Variants in CDH26 observed in about 807,000 individuals in gnomAD.
CDH26 encodes the protein cadherin-like protein 26.
CDH26 carries 83 observed loss-of-function variants against 90.3 expected under a neutral mutation model. The observed-to-expected ratio is 0.92, with a 90% CI of 0.77 to 1.10. CDH26 has a LOEUF of 1.10. Among genes scored for constraint, CDH26 ranks in the 50% least tolerant of loss-of-function variants. The pLI, the probability that CDH26 is intolerant of heterozygous loss-of-function variation, is 0.00. For synonymous variants in CDH26, 397 were observed against 396.3 expected (o/e 1.00, Z -0.02); for missense variants, 1,013 against 1,037.6 (o/e 0.98, Z 0.33).
Position 59,985,072 on chromosome 20 carries a change from C to A in CDH26, c.780C>A (p.Thr260=), listed in dbSNP as rs748975319. The part of the protein sequence containing the change: ...CGEPSLSSTT[T]VHVDVQEGNN... ...AACCGTCACTGTCATCCACGACCAC[C>A]GTTCACGTGGATGTGCAAGAAGGCA... is the stretch of plus-strand genomic sequence containing the variant. Residue 260 remains threonine (T), a synonymous_variant, in exon 7 of 18, where the codon ACC becomes ACA. Coordinates refer to ENST00000348616, the MANE Select transcript of CDH26 (RefSeq NM_177980.4). 2 of 1,614,000 alleles carry A rather than the reference C, an allele frequency of 1.2e-6. No homozygotes were observed. The highest frequency in any genetic ancestry group is 1.7e-6 in the Non-Finnish European group (2 of 1,179,942).
rs375392164 is a variant in CDH26, at chr20:60,002,900, T to A, written c.2220+34T>A. ...AGATGTAGGTGTTACCGTGAACAAA[T>A]TTACCTTATTGTTCTGCCTAAAAGC... On this transcript the variant is annotated intron_variant, in intron 16 of 17. Coordinates refer to ENST00000348616, the MANE Select transcript of CDH26 (RefSeq NM_177980.4). 3.6e-5 allele frequency: 52 copies of A among 1,454,882 alleles called. No individual in the cohort carries two copies. The African/African-American group carries it at 6.6e-4, about 18-fold the overall frequency. 90.1% of individuals were successfully genotyped at this position (1,454,882 alleles called of 1,614,324 possible). A position where few individuals can be genotyped will look rare whatever the true frequency, so the allele number is the denominator to read the frequency against.
downstream of CDH26, among the ~76,000 whole-genome samples, chr20:60,035,624 T>C (rs766915811): frequency 2.6e-5 from 4 of 152,114 alleles, no homozygotes; most frequent in Non-Finnish European, 5.9e-5. Context: ...ATGCTTTGTA[T>C]GTGGTATGGT....
At chr20:59,993,882 A>G (rs1247156033) in intron 10 of CDH26, among the ~76,000 whole-genome samples, 1 of 152,196 alleles carries the variant, frequency 6.6e-6, no homozygotes, top group African/African-American at 2.4e-5. Flanking sequence ...GCGGAGACGC[A>G]GCGCATTTGC....
At chr20:59,996,885 C>A in intron 13 of CDH26, 124 bp downstream of exon 13, 1 of 1,278,754 alleles carries the variant, frequency 7.8e-7, no homozygotes, top group Non-Finnish European at 1.1e-6. Context: ...GTTTCAGTAG[C>A]AAGTGGGAAA....
intron 2 of CDH26, 118 bp from the exon 3 acceptor site, chr20:59,969,964 T>A: frequency 7.0e-7 from 1 of 1,432,176 alleles, no homozygotes; most frequent in Non-Finnish European, 9.2e-7. Context: ...GTTCTGGCGA[T>A]GAGAGAATGC....
rs1162039272 is a variant in CDH26, at chr20:59,967,957, A to ATCTTTCTTTCTTTCTT, written c.70-969_70-954dup. 1.2e-4 allele frequency among the ~76,000 whole-genome samples: 7 copies of ATCTTTCTTTCTTTCTT among 59,532 alleles called. 1 individual carries two copies. The highest frequency in any genetic ancestry group is 1.7e-4 in the African/African-American group (2 of 12,054). The allele number at this position is 59,532 out of a possible 152,430, so 39.1% of individuals were successfully genotyped here. A position where few individuals can be genotyped will look rare whatever the true frequency, so the allele number is the denominator to read the frequency against. The stretch of plus-strand genomic sequence containing the variant: ...TCCCTTTCTTTCTTTCTTTCTTTCT[A>ATCTTTCTTTCTTTCTT]TCTTTCTTTCTTTCTTTCTTTCTTT... On this transcript the variant is annotated intron_variant, in intron 1 of 17. Coordinates refer to ENST00000348616, the MANE Select transcript of CDH26 (RefSeq NM_177980.4).
chr20:59,976,325 G>A (rs1029728212), intron 4 of CDH26, among the ~76,000 whole-genome samples: 1 of 152,180 alleles, frequency 6.6e-6, no homozygotes, highest in African/African-American at 2.4e-5. Context: ...AAATGTCCAT[G>A]ACATTTCTTT....
chr20:60,032,324 A>G (rs1204310393), intron 8 of CDH26, among the ~76,000 whole-genome samples: 1 of 152,216 alleles, frequency 6.6e-6, no homozygotes, highest in Non-Finnish European at 1.5e-5. Context: ...ATTAAATTCT[A>G]TTGGCCAGAA....
In CDH26 at chr20:59,958,640, G is replaced by A. The variant is rs2061027654; in HGVS notation, c.-87G>A. 5 of 1,263,158 alleles carry A rather than the reference G, an allele frequency of 4.0e-6. No individual in the cohort carries two copies. The highest frequency in any genetic ancestry group is 2.3e-5 in the East Asian group (1 of 42,628). 78.2% of individuals were successfully genotyped at this position (1,263,158 alleles called of 1,614,324 possible). A position where few individuals can be genotyped will look rare whatever the true frequency, so the allele number is the denominator to read the frequency against. On this transcript the variant is annotated 5_prime_UTR_variant, in exon 1 of 18. Coordinates refer to ENST00000348616, the MANE Select transcript of CDH26 (RefSeq NM_177980.4). ...CTTTAGAGAAGAAGCTGCTGGCTGA[G>A]AAGGAGGTGTGTGGCTCCGGTGAGA... is the stretch of plus-strand genomic sequence containing the variant.
rs1292004948 is a variant in CDH26 at position 60,013,381 on chromosome 20, T to A, written c.*651T>A. On this transcript the variant is annotated 3_prime_UTR_variant, in exon 18 of 18. Transcript: ENST00000348616. ...TGTATGTATTATGTAAGTAAAAGAG[T>A]TAGGAGCCTTTGAATGAGTAAGTTC... is the stretch of plus-strand genomic sequence containing the variant. 6.6e-6 allele frequency: 1 copy of A among 152,058 alleles called. No homozygotes were observed. The highest frequency in any genetic ancestry group is 1.5e-5 in the Non-Finnish European group (1 of 68,008). 9.4% of individuals were successfully genotyped at this position (152,058 alleles called of 1,614,324 possible). A position where few individuals can be genotyped will look rare whatever the true frequency, so the allele number is the denominator to read the frequency against.
chr20:59,962,425 G>A (rs1569020346), intron 1 of CDH26, among the ~76,000 whole-genome samples: 1 of 152,146 alleles, frequency 6.6e-6, no homozygotes, highest in Non-Finnish European at 1.5e-5. Context: ...TGGGTTGCTG[G>A]CAATCCCAGC....
chr20:59,990,702 T>C (rs915615342), intron 9 of CDH26, among the ~76,000 whole-genome samples: 1 of 152,170 alleles, frequency 6.6e-6, no homozygotes, highest in African/African-American at 2.4e-5. Context: ...GTTATCTCAT[T>C]GTGAGCAGCC....
At chr20:59,994,608 A>G in intron 11 of CDH26, 119 bp downstream of exon 11, 1 of 1,293,542 alleles carries the variant, frequency 7.7e-7, no homozygotes, top group Non-Finnish European at 1.1e-6. Flanking sequence ...GCGTTCTGGC[A>G]GAGCTGGCTC....
chr20:59,960,339 A>C (rs1323984645), intron 1 of CDH26, among the ~76,000 whole-genome samples: 1 of 152,090 alleles, frequency 6.6e-6, no homozygotes, highest in Non-Finnish European at 1.5e-5. Context: ...GAAATGCGTA[A>C]AAGCCCTTGG....
chr20:60,009,491 A>G (rs1187239630), intron 17 of CDH26, among the ~76,000 whole-genome samples: 1 of 152,200 alleles, frequency 6.6e-6, no homozygotes, highest in South Asian at 2.1e-4. Flanking sequence ...GACTGTGTGG[A>G]CAGTATCGCA....
intron 17 of CDH26, among the ~76,000 whole-genome samples, chr20:60,011,098 A>G (rs750615376): frequency 6.6e-6 from 1 of 152,144 alleles, no homozygotes; most frequent in Non-Finnish European, 1.5e-5. Flanking sequence ...CAATGAGTGG[A>G]GATAGGGACC....
At chr20:59,962,284 C>T (rs746805384) in intron 1 of CDH26, among the ~76,000 whole-genome samples, 14 of 152,170 alleles carry the variant, frequency 9.2e-5, no homozygotes, top group Admixed American at 2.0e-4. Flanking sequence ...CAAACTGGTA[C>T]GTCGGCTTAA....
rs768944343 is a variant in CDH26 at position 59,983,034 on chromosome 20, G to T, written c.505G>T (p.Glu169Ter). The T allele has an allele frequency of 8.7e-6, 14 of 1,614,050 alleles. 1 individual carries two copies. The Middle Eastern group carries it at 4.9e-4, about 57-fold the overall frequency. The change falls in exon 5 of 18, where the codon GAA becomes TAA. Residue 169 changes from glutamate (E) to a stop codon, truncating the protein, a stop_gained. Transcript: ENST00000348616. LOFTEE classifies it high-confidence loss of function. ...NDHAPQFPEK[E>*]FNITVQENQS... ...TCATGCACCCCAGTTTCCAGAGAAG[G>T]AATTTAACATCACTGTGCAAGAAAA...
rs146086742 is a variant in CDH26, at chr20:60,020,337, G to A, written c.948-10894G>A. On this transcript the variant is annotated intron_variant, in intron 7 of 8. Transcript: ENST00000370991. ...CTGAGATGGGGGCACATGGTTTCTCGGCTGGCCTGGGGATGTATCAGCTGC... is the reference window on the plus strand; with the variant it reads ...CTGAGATGGGGGCACATGGTTTCTCAGCTGGCCTGGGGATGTATCAGCTGC... Among the ~76,000 whole-genome samples, 700 of 152,308 alleles carry A rather than the reference G, an allele frequency of 4.6e-3. 1 individual carries two copies. Among genetic ancestry groups the A allele is most frequent in the Non-Finnish European group, 7.3e-3 (497 of 68,028 alleles).
Sources: allele counts gnomAD v4.1 joint callset (sites outside exome capture counted in the v4.1 genomes callset), GRCh38; gene constraint gnomAD v4.1.1; transcripts MANE v1.5; gene names NCBI Gene and HGNC (gene_info 2026-07-23, HGNC 2026-07-21).